Variants in NHSL1 observed in about 807,000 individuals in gnomAD.
NHSL1 encodes the protein NHS like 1.
Under a neutral mutation model 95.0 loss-of-function variants are expected in NHSL1, and 48 were observed. The observed-to-expected ratio is 0.51, with a 90% CI of 0.40 to 0.64. NHSL1 has a LOEUF of 0.64. NHSL1 is among the 30% of genes least tolerant of loss of function. The probability of loss-of-function intolerance (pLI) is 0.00; values close to 1 mark genes in which losing one functional copy is unlikely to be tolerated. For missense variants in NHSL1, 1,971 were observed against 2,077.7 expected, an observed-to-expected ratio of 0.95 and a Z score of 1.00; for synonymous variants, 783 against 833.9, an observed-to-expected ratio of 0.94 and a Z score of 1.05.
chr6:138,424,911 C>A lies in NHSL1; in HGVS notation c.4086-95G>T. ...TGCTCTTATCGCATCTTCAGGTCAC[C>A]ATCTACTTAAGATTCACTTTCAAAA... On this transcript the variant is annotated intron_variant, in intron 7 of 7. Coordinates refer to ENST00000343505, the MANE Select transcript of NHSL1 (RefSeq NM_001144060.2). This position sits in a 1 kb window ranked among gnomAD's most constrained non-coding sequence, Gnocchi z 5.9. 1 of 1,004,468 alleles carries A rather than the reference C, an allele frequency of 1.0e-6. No homozygotes were observed. The highest frequency in any genetic ancestry group is 1.7e-5 in the South Asian group (1 of 59,128). The allele number at this position is 1,004,468 out of a possible 1,614,324, so 62.2% of individuals were successfully genotyped here. A position where few individuals can be genotyped will look rare whatever the true frequency, so the allele number is the denominator to read the frequency against.
In NHSL1 at chr6:138,431,969, A is replaced by G. The variant is rs1305127171; in HGVS notation, c.2376T>C (p.Asp792=). ...AACAGCCCCCTGCCGGGTTCCCCGG[A>G]TCTTCCTGCATGCCCGTGTAGTCAA... ...YYIDYTGMQE[D]PGNPAGGCST... The change falls in exon 6 of 8, where the codon GAT becomes GAC. Residue 792 remains aspartate (D), a synonymous_variant. Transcript: ENST00000343505. The surrounding 1 kb of genome is among the most constrained non-coding windows in gnomAD (Gnocchi z 4.0). 6.4e-7 allele frequency: 1 copy of G among 1,551,700 alleles called. No homozygotes were observed. The highest frequency in any genetic ancestry group is 2.0e-5 in the Admixed American group (1 of 51,016).
chr6:138,652,724 G>C (rs539282836), intron 1 of NHSL1, among the ~76,000 whole-genome samples: 16 of 151,950 alleles, frequency 1.1e-4, no homozygotes, highest in African/African-American at 3.9e-4. Context: ...CCTCTAAAAG[G>C]GGAGAAACAC....
At chr6:138,641,161 G>C (rs1413465417) in intron 1 of NHSL1, among the ~76,000 whole-genome samples, 1 of 152,160 alleles carries the variant, frequency 6.6e-6, no homozygotes, top group Non-Finnish European at 1.5e-5. Flanking sequence ...AAATTAGCCA[G>C]GCGTGGTGGC....
intron 1 of NHSL1, among the ~76,000 whole-genome samples, chr6:138,551,849 C>T (rs112556028): frequency 2.8e-4 from 42 of 152,274 alleles, no homozygotes; most frequent in African/African-American, 9.4e-4. Context: ...CAACATCATC[C>T]GAGCCTGTAT....
Position 138,542,943 on chromosome 6 carries a change from T to C in NHSL1, c.16+2680A>G, listed in dbSNP as rs142667840. On this transcript the variant is annotated intron_variant, in intron 1 of 4. Transcript: ENST00000342260. ...CACATCTGGCTAACTTTTTAATTTT[T>C]TGTGGAGACAAGGTCTCCCTATGTT... 2.0e-3 allele frequency among the ~76,000 whole-genome samples: 298 copies of C among 152,196 alleles called. 2 individuals are homozygous for C. Among genetic ancestry groups the C allele is most frequent in the African/African-American group, 6.9e-3 (285 of 41,520 alleles).
rs1338768554 is a variant in NHSL1, at chr6:138,515,980, C to A, written c.17-19609G>T. Among the ~76,000 whole-genome samples the A allele has an allele frequency of 2.0e-5, 3 of 152,362 alleles. No homozygotes were observed. The East Asian group carries it at 5.8e-4, about 29-fold the overall frequency. ...AGTCACCTCCTTGTCCAGTGCACCACAATGAGAGGCTGGGAGTTGGAAACC... is the reference window on the plus strand; with the variant it reads ...AGTCACCTCCTTGTCCAGTGCACCAAAATGAGAGGCTGGGAGTTGGAAACC... On this transcript the variant is annotated intron_variant, in intron 1 of 4. Transcript: ENST00000342260.
chr6:138,534,537 C>T (rs1419326018), intron 1 of NHSL1, among the ~76,000 whole-genome samples: 1 of 152,202 alleles, frequency 6.6e-6, no homozygotes, highest in Non-Finnish European at 1.5e-5. Context: ...CTCAGCACAA[C>T]AGATATATGC....
chr6:138,496,362 T>G lies in NHSL1; in HGVS notation c.68A>C (p.Asn23Thr), dbSNP rs1301921635. Residue 23 changes from asparagine (N) to threonine (T), a missense_variant, in exon 2 of 8, where the codon AAC (asparagine) becomes ACC (threonine). By Grantham distance (65) the Asn-to-Thr change is moderately conservative. This residue lies in a region of NHSL1 where 1,602 missense variants were observed against 1,654.5 expected (regional missense o/e 0.97). Transcript: ENST00000343505. ...IKLFKKKTVS[N>T]LDEESRWTVH... ...TGTCCATCGGCTTTCCTCATCTAGG[T>G]TGGAAACCGCTATAGAAAAAAAGAT... 1 of 1,550,166 alleles carries G rather than the reference T, an allele frequency of 6.5e-7. No individual in the cohort carries two copies. Among genetic ancestry groups the G allele is most frequent in the African/African-American group, 1.4e-5 (1 of 73,068 alleles).
At chr6:138,528,144 A>G (rs1781989136) in intron 1 of NHSL1, among the ~76,000 whole-genome samples, 1 of 152,246 alleles carries the variant, frequency 6.6e-6, no homozygotes, top group African/African-American at 2.4e-5. Flanking sequence ...ATAAAGCTGT[A>G]TAAGTAAATA....
At chr6:138,539,473 T>C (rs1470531004) in intron 1 of NHSL1, among the ~76,000 whole-genome samples, 1 of 152,174 alleles carries the variant, frequency 6.6e-6, no homozygotes, top group African/African-American at 2.4e-5. Context: ...CTAATGCATG[T>C]GTAGACTACT....
chr6:138,499,162 C>CACAGGG, intron 1 of NHSL1, 71 bp downstream of exon 1: 1 of 952,800 alleles, frequency 1.0e-6, no homozygotes. Context: ...CACACACAGA[C>CACAGGG]ACACAGGGAC....
In NHSL1 at chr6:138,431,187, G is replaced by A. The variant is rs1387575295; in HGVS notation, c.3158C>T (p.Pro1053Leu). The change falls in exon 6 of 8, where the codon CCG becomes CTG. Residue 1053 changes from proline to leucine, a missense_variant. Around this residue, in one of 3 missense-constraint regions of NHSL1, gnomAD observed 1,602 missense variants for 1,654.5 expected, o/e 0.97. Transcript: ENST00000343505. This position sits in a 1 kb window ranked among gnomAD's most constrained non-coding sequence, Gnocchi z 4.0. The part of the protein sequence containing the change: ...QPESSRGSLR[P>L]PSTKEETSRP... Reference sequence around the variant, plus strand: ...GCTGGTCTCCTCCTTGGTAGAAGGCGGCCTCAAGGATCCCCGGGAGGATTC... The same window carrying A: ...GCTGGTCTCCTCCTTGGTAGAAGGCAGCCTCAAGGATCCCCGGGAGGATTC... 2.0e-5 allele frequency: 31 copies of A among 1,546,842 alleles called. No individual in the cohort carries two copies. The highest frequency in any genetic ancestry group is 2.7e-5 in the African/African-American group (2 of 72,852).
chr6:138,457,164 C>G (rs745714200), intron 3 of NHSL1, among the ~76,000 whole-genome samples: 3 of 152,120 alleles, frequency 2.0e-5, no homozygotes, highest in Non-Finnish European at 2.9e-5. Context: ...TACAGGCACA[C>G]ACTACCATGC....
chr6:138,557,246 C>T (rs1783227536), intron 1 of NHSL1, among the ~76,000 whole-genome samples: 1 of 152,142 alleles, frequency 6.6e-6, no homozygotes, highest in African/African-American at 2.4e-5. Flanking sequence ...GAGTAACATC[C>T]ACTTATCAAC....
intron 1 of NHSL1, among the ~76,000 whole-genome samples, chr6:138,684,160 C>T (rs1399163474): frequency 2.0e-5 from 3 of 147,858 alleles, no homozygotes; most frequent in African/African-American, 2.5e-5. Flanking sequence ...TGCAGTGAGC[C>T]GAGATCTCAC....
Position 138,430,769 on chromosome 6 carries a change from T to G in NHSL1, c.3576A>C (p.Pro1192=). Reference sequence around the variant, plus strand: ...GTTTGGGCTTCTTGGAAATGGGGGGTGGCTTCCTGCTGGGTGAAGAGTCTG... The same window carrying G: ...GTTTGGGCTTCTTGGAAATGGGGGGGGGCTTCCTGCTGGGTGAAGAGTCTG... ...PLPDSSPSRK[P]PPISKKPKLF... Residue 1192 remains proline (P), a synonymous_variant, in exon 6 of 8, where the codon CCA becomes CCC. Transcript: ENST00000343505. The surrounding 1 kb of genome is among the most constrained non-coding windows in gnomAD (Gnocchi z 4.7). The G allele has an allele frequency of 6.4e-7, 1 of 1,551,022 alleles. No individual in the cohort carries two copies. Among genetic ancestry groups the G allele is most frequent in the Non-Finnish European group, 8.7e-7 (1 of 1,146,842 alleles).
At chr6:138,494,143 A>G (rs1008780992) in intron 2 of NHSL1, among the ~76,000 whole-genome samples, 2 of 152,210 alleles carry the variant, frequency 1.3e-5, no homozygotes, top group African/African-American at 4.8e-5. Context: ...ACCTATGGAT[A>G]GCTATTCTTT....
chr6:138,583,023 G>A (rs900110133), intron 1 of NHSL1, among the ~76,000 whole-genome samples: 5 of 152,234 alleles, frequency 3.3e-5, no homozygotes, highest in Non-Finnish European at 7.3e-5. Context: ...GAACTCGGCT[G>A]AAGGTGGCTT....
At chr6:138,678,402 T>C (rs1785474153) in intron 1 of NHSL1, among the ~76,000 whole-genome samples, 1 of 152,180 alleles carries the variant, frequency 6.6e-6, no homozygotes, top group Non-Finnish European at 1.5e-5. Flanking sequence ...TCTCTATAGA[T>C]TCATAATAGC....
Sources: gnomAD v4.1 joint callset for allele counts (sites outside exome capture counted in the v4.1 genomes callset) on GRCh38, gnomAD v4.1.1 for gene constraint, gnomAD v4.1.1 regional missense constraint, Gnocchi (gnomAD v3.1) non-coding constraint, MANE v1.5 for transcripts, NCBI Gene and HGNC (gene_info 2026-07-23, HGNC 2026-07-21) for gene names.